Variants in SLC6A18 observed in about 807,000 individuals in gnomAD.
SLC6A18 encodes inactive sodium-dependent neutral amino acid transporter B(0)AT3.
A neutral mutation model predicts 62.9 loss-of-function variants in SLC6A18; 58 were observed. That is an observed-to-expected ratio of 0.92 (90% confidence interval 0.75 to 1.15). SLC6A18 has a LOEUF of 1.15. Among genes scored for constraint, SLC6A18 ranks in the 50% most tolerant of loss-of-function variants. SLC6A18 has a pLI of 0.00. For synonymous variants in SLC6A18, 382 were observed against 365.8 expected, an observed-to-expected ratio of 1.04 and a Z score of -0.51; for missense variants, 793 against 836.6, an observed-to-expected ratio of 0.95 and a Z score of 0.64.
chr5:1,228,494 C>T (rs575594569), intron 1 of SLC6A18, among the ~76,000 whole-genome samples: 3 of 152,336 alleles, frequency 2.0e-5, no homozygotes, highest in South Asian at 2.1e-4. Context: ...GGCTGCACTG[C>T]GGCCTCTGCA....
rs1300897916 is a variant in SLC6A18, at chr5:1,243,673, C to A, written c.1250C>A (p.Thr417Asn). 1.2e-6 allele frequency: 2 copies of A among 1,614,078 alleles called. No individual in the cohort carries two copies. Among genetic ancestry groups the A allele is most frequent in the Non-Finnish European group, 1.7e-6 (2 of 1,179,998 alleles). The change falls in exon 9 of 12, where the codon ACC becomes AAC. Residue 417 changes from threonine to asparagine, a missense_variant. Physicochemically the swap from Thr to Asn is moderately conservative, Grantham distance 65. Coordinates refer to ENST00000324642, the MANE Select transcript of SLC6A18 (RefSeq NM_182632.3). This position sits in a 1 kb window ranked among gnomAD's most constrained non-coding sequence, Gnocchi z 6.5. ...FGMLFTLGLSTMFGTVEAVIT... is the reference protein window; with the variant it reads ...FGMLFTLGLSNMFGTVEAVIT... Reference sequence around the variant, plus strand: ...ATGCTGTTCACCTTGGGGCTATCGACCATGTTCGGGACCGTGGAGGCGGTC... The same window carrying A: ...ATGCTGTTCACCTTGGGGCTATCGAACATGTTCGGGACCGTGGAGGCGGTC...
chr5:1,227,022 C>T, intron 1 of SLC6A18, among the ~76,000 whole-genome samples: 1 of 75,594 alleles, frequency 1.3e-5, no homozygotes, highest in African/African-American at 4.5e-5. Context: ...CGCCGACGCG[C>T]CCAACGCCTT....
intron 11 of SLC6A18, among the ~76,000 whole-genome samples, chr5:1,245,365 C>T (rs962344194): frequency 6.6e-6 from 1 of 152,180 alleles, no homozygotes; most frequent in Non-Finnish European, 1.5e-5. Flanking sequence ...CTCACCATGC[C>T]ACCCCTTCTC....
intron 5 of SLC6A18, among the ~76,000 whole-genome samples, chr5:1,238,845 C>T (rs956818000): frequency 8.5e-5 from 13 of 152,194 alleles, no homozygotes; most frequent in African/African-American, 3.1e-4. Context: ...CAGCTGCATG[C>T]ACCCCATTGG....
chr5:1,231,128 C>T (rs1373155032), intron 1 of SLC6A18, among the ~76,000 whole-genome samples: 1 of 152,204 alleles, frequency 6.6e-6, no homozygotes, highest in African/African-American at 2.4e-5. Context: ...CCGCTGGGGC[C>T]AGGAGGGTCT....
chr5:1,242,764 C>T lies in SLC6A18; in HGVS notation c.1032C>T (p.Asp344=), dbSNP rs145619230. 13,964 of 1,613,914 alleles carry T rather than the reference C, an allele frequency of 8.7e-3. 85 individuals are homozygous for T. The highest frequency in any genetic ancestry group is 0.01 in the Non-Finnish European group (12,162 of 1,179,818). The change falls in exon 8 of 12, where the codon GAC becomes GAT. Residue 344 remains aspartate, a synonymous_variant. Coordinates refer to ENST00000324642, the MANE Select transcript of SLC6A18 (RefSeq NM_182632.3). The stretch of plus-strand genomic sequence containing the variant: ...TCCCAGAGCAGAGCATCTCCAGGGA[C>T]GACTACCCAGCCGTCCTCATGCACC... ...FDFPEQSISR[D]DYPAVLMHLN... is the part of the protein sequence containing the mutation.
At chr5:1,232,651 G>T in intron 2 of SLC6A18, 100 bp from the exon 3 acceptor site, 1 of 1,495,696 alleles carries the variant, frequency 6.7e-7, no homozygotes, top group Non-Finnish European at 9.0e-7. Flanking sequence ...CCTTCAGCAT[G>T]TGTTATTTTA....
chr5:1,234,073 G>A (rs114921658), intron 3 of SLC6A18, among the ~76,000 whole-genome samples: 2,388 of 152,160 alleles, frequency 0.016, 39 homozygotes, highest in South Asian at 0.025. Context: ...TTGTAGAGAC[G>A]GGGTCTCAAT....
At chr5:1,239,698 G>A in intron 6 of SLC6A18, 136 bp downstream of exon 6, 2 of 665,516 alleles carry the variant, frequency 3.0e-6, no homozygotes, top group East Asian at 2.8e-5. Context: ...GCCACAGTCT[G>A]GGCCCTCACG....
At position 1,246,143 on chromosome 5, in the gene SLC6A18, G is replaced by GCCCCGCCCCCGC. The variant is rs140436341; in HGVS notation, c.*73_*74insCCGCCCCCGCCC. ...GGGGCTTGGCCTGATGGTGGGCGGGGCCCCGCCCACAGGGCCGACCCCAAT... is the reference window on the plus strand; with the variant it reads ...GGGGCTTGGCCTGATGGTGGGCGGGGCCCCGCCCCCGCCCCCGCCCACAGGGCCGACCCCAAT... On this transcript the variant is annotated 3_prime_UTR_variant, in exon 12 of 12. Coordinates refer to ENST00000324642, the MANE Select transcript of SLC6A18 (RefSeq NM_182632.3). 102 of 1,438,400 alleles carry GCCCCGCCCCCGC rather than the reference G, an allele frequency of 7.1e-5. 1 individual carries two copies. The East Asian group carries it at 1.2e-3, about 16-fold the overall frequency. The allele number at this position is 1,438,400 out of a possible 1,614,324, so 89.1% of individuals were successfully genotyped here.
chr5:1,238,132 C>T lies in SLC6A18; in HGVS notation c.732+72C>T. Reference sequence around the variant, plus strand: ...TCAGGGCTGTGGCCAGCAGCTCCCTCCCTCACCTGGGAGCGTGAGAGGCCA... The same window carrying T: ...TCAGGGCTGTGGCCAGCAGCTCCCTTCCTCACCTGGGAGCGTGAGAGGCCA... On this transcript the variant is annotated intron_variant, in intron 5 of 11. Coordinates refer to ENST00000324642, the MANE Select transcript of SLC6A18 (RefSeq NM_182632.3). 10 of 1,223,072 alleles carry T rather than the reference C, an allele frequency of 8.2e-6. No individual in the cohort carries two copies. The South Asian group carries it at 9.9e-5, about 12-fold the overall frequency. 75.8% of individuals were successfully genotyped at this position (1,223,072 alleles called of 1,614,324 possible). A position where few individuals can be genotyped will look rare whatever the true frequency, so the allele number is the denominator to read the frequency against.
chr5:1,242,854 T>G lies in SLC6A18; in HGVS notation c.1122T>G (p.Phe374Leu). Residue 374 changes from phenylalanine to leucine, a missense_variant, in exon 8 of 12, where the codon TTT (phenylalanine) becomes TTG (leucine). Physicochemically the swap from Phe to Leu is conservative, Grantham distance 22. Transcript: ENST00000324642. ...TGAAGGCCTGCCTCCTGGAAGACTT[T>G]CTGGATAAGGTACCTGCACACCCCC... ...LPLKACLLEDFLDKSASGPGL... is the reference protein window; with the variant it reads ...LPLKACLLEDLLDKSASGPGL... 1 of 1,610,124 alleles carries G rather than the reference T, an allele frequency of 6.2e-7. No homozygotes were observed. The highest frequency in any genetic ancestry group is 1.3e-5 in the African/African-American group (1 of 74,894).
In SLC6A18 at chr5:1,241,932, G is replaced by A. The variant is rs888433261; in HGVS notation, c.975-775G>A. Among the ~76,000 whole-genome samples, 9 of 152,352 alleles carry A rather than the reference G, an allele frequency of 5.9e-5. No homozygotes were observed. Among genetic ancestry groups the A allele is most frequent in the African/African-American group, 2.2e-4 (9 of 41,588 alleles). On this transcript the variant is annotated intron_variant, in intron 7 of 11. Coordinates refer to ENST00000324642, the MANE Select transcript of SLC6A18 (RefSeq NM_182632.3). The surrounding 1 kb of genome is among the most constrained non-coding windows in gnomAD (Gnocchi z 7.8). Reference sequence around the variant, plus strand: ...ACATGGGGCTAGAAGTGAGGGGAGCGAGGTCTCTCTCTTCAGGATTGTTCT... The same window carrying A: ...ACATGGGGCTAGAAGTGAGGGGAGCAAGGTCTCTCTCTTCAGGATTGTTCT...
intron 1 of SLC6A18, among the ~76,000 whole-genome samples, chr5:1,226,419 C>T (rs1322317729): frequency 6.6e-6 from 1 of 152,166 alleles, no homozygotes; most frequent in Admixed American, 6.5e-5. Flanking sequence ...CGGGCAGGGG[C>T]TTCCCAGGCC....
chr5:1,242,824 C>A lies in SLC6A18; in HGVS notation c.1092C>A (p.Leu364=), dbSNP rs370005368. Residue 364 remains leucine (L), a synonymous_variant, in exon 8 of 12, where the codon CTC becomes CTA. Coordinates refer to ENST00000324642, the MANE Select transcript of SLC6A18 (RefSeq NM_182632.3). ...NATWPKRVAQ[L]PLKACLLEDF... ...CCTGGCCCAAGAGGGTGGCCCAGCT[C>A]CCCCTGAAGGCCTGCCTCCTGGAAG... The A allele has an allele frequency of 6.2e-7, 1 of 1,613,438 alleles. No homozygotes were observed. Among genetic ancestry groups the A allele is most frequent in the Non-Finnish European group, 8.5e-7 (1 of 1,179,612 alleles).
chr5:1,232,489 G>A, intron 2 of SLC6A18, 130 bp downstream of exon 2: 1 of 1,294,526 alleles, frequency 7.7e-7, no homozygotes, highest in Non-Finnish European at 1.0e-6. Context: ...GGGTGGGGTG[G>A]CAGGGAGCCC....
chr5:1,238,094 C>T (rs200024384), intron 5 of SLC6A18, 34 bp downstream of exon 5: 4 of 1,505,702 alleles, frequency 2.7e-6, no homozygotes, highest in Non-Finnish European at 3.7e-6. Flanking sequence ...TCAGGGCCTC[C>T]AGCACACACA....
At chr5:1,227,303 G>A (rs1400500174) in intron 1 of SLC6A18, among the ~76,000 whole-genome samples, 1 of 152,232 alleles carries the variant, frequency 6.6e-6, no homozygotes, top group Non-Finnish European at 1.5e-5. Context: ...CCCCACCTGG[G>A]GTGCTGCTGA....
At position 1,246,045 on chromosome 5, in the gene SLC6A18, C is replaced by G. The variant is rs755619786; in HGVS notation, c.1854C>G (p.Asp618Glu). 1.3e-6 allele frequency: 2 copies of G among 1,590,926 alleles called. No homozygotes were observed. Among genetic ancestry groups the G allele is most frequent in the East Asian group, 2.3e-5 (1 of 44,134 alleles). The change falls in exon 12 of 12, where the codon GAC becomes GAG. Residue 618 changes from aspartate (D) to glutamate (E), a missense_variant. Transcript: ENST00000324642. ...DMRPDTDTRP[D>E]TDMRPDTDMR The stretch of plus-strand genomic sequence containing the variant: ...GCCCGGACACGGACACGCGCCCAGA[C>G]ACGGACATGCGCCCGGACACGGACA...
Sources: gnomAD v4.1 joint callset for allele counts (sites outside exome capture counted in the v4.1 genomes callset) on GRCh38, gnomAD v4.1.1 for gene constraint, Gnocchi (gnomAD v3.1) non-coding constraint, MANE v1.5 for transcripts, NCBI Gene and HGNC (gene_info 2026-07-23, HGNC 2026-07-21) for gene names.